The following FAM83B variants were observed in gnomAD, a reference collection of about 807,000 sequenced individuals.
FAM83B encodes protein FAM83B.
In FAM83B, 26 loss-of-function variants were observed where a neutral mutation model predicts 38.8. The observed-to-expected ratio is 0.67, with a 90% CI of 0.49 to 0.93. FAM83B has a LOEUF of 0.93. Ranked by LOEUF, FAM83B falls within the 40% of genes least tolerant of loss-of-function variation. The pLI is 0.00. For synonymous variants in FAM83B, 419 were observed against 423.1 expected (o/e 0.99, Z 0.12); for missense variants, 1,237 against 1,197.3 (o/e 1.03, Z -0.49).
chr6:54,855,626 T>C (rs898507783), intron 1 of FAM83B, among the ~76,000 whole-genome samples: 1 of 152,084 alleles, frequency 6.6e-6, no homozygotes, highest in Non-Finnish European at 1.5e-5. Flanking sequence ...ATTTAGCATG[T>C]TAAATCTTGT....
At chr6:54,908,739 A>G (rs999026585) in intron 2 of FAM83B, among the ~76,000 whole-genome samples, 1 of 152,192 alleles carries the variant, frequency 6.6e-6, no homozygotes, top group South Asian at 2.1e-4. Flanking sequence ...GTACAGGTGT[A>G]CTTCAAGAAT....
Position 54,940,878 on chromosome 6 carries a change from A to G in FAM83B, c.1907A>G (p.Asn636Ser), listed in dbSNP as rs758505125. The G allele has an allele frequency of 6.2e-7, 1 of 1,613,840 alleles. No individual in the cohort carries two copies. The highest frequency in any genetic ancestry group is 8.5e-7 in the Non-Finnish European group (1 of 1,179,880). ...ACAAATGGCCATACTGAATCAAATA[A>G]CTATATATATAAAACCTTGGGTGTA... is the stretch of plus-strand genomic sequence containing the variant. Reference protein sequence around the residue: ...QTTNGHTESNNYIYKTLGVNK... With the variant: ...QTTNGHTESNSYIYKTLGVNK... The change falls in exon 5 of 5, where the codon AAC (asparagine) becomes AGC (serine). Residue 636 changes from asparagine to serine, a missense_variant. Physicochemically the swap from Asn to Ser is conservative, Grantham distance 46. Transcript: ENST00000306858.
At chr6:54,929,907 T>C (rs1773384325) in intron 4 of FAM83B, among the ~76,000 whole-genome samples, 1 of 152,128 alleles carries the variant, frequency 6.6e-6, no homozygotes, top group African/African-American at 2.4e-5. Context: ...AAACAGTGAC[T>C]TTTGTTTTCC....
chr6:54,893,664 T>C (rs1247960396), intron 2 of FAM83B, among the ~76,000 whole-genome samples: 1 of 152,200 alleles, frequency 6.6e-6, no homozygotes, highest in Non-Finnish European at 1.5e-5. Flanking sequence ...ACAGCCAGTA[T>C]CTAAATCTAA....
intron 2 of FAM83B, among the ~76,000 whole-genome samples, chr6:54,903,607 T>TG (rs1042566168): frequency 4.6e-5 from 7 of 152,222 alleles, no homozygotes; most frequent in South Asian, 2.1e-4. Flanking sequence ...ATTATTCTTT[T>TG]GGGGTATGAA....
intron 4 of FAM83B, among the ~76,000 whole-genome samples, chr6:54,936,567 T>C (rs1466637487): frequency 6.6e-6 from 1 of 152,056 alleles, no homozygotes; most frequent in Non-Finnish European, 1.5e-5. Context: ...TCTGTTTTGT[T>C]TTCAAGATTT....
rs576094805 is a variant in FAM83B, at chr6:54,880,339, G to GA, written c.444+9652dup. ...TATCAGGATTATAGAGACAATTATT[G>GA]AAATTTTAAAGTAGCAAAAATATGA... On this transcript the variant is annotated intron_variant, in intron 2 of 4. Transcript: ENST00000306858. 2.5e-3 allele frequency among the ~76,000 whole-genome samples: 383 copies of GA among 151,096 alleles called. 2 individuals carry two copies. Among genetic ancestry groups the GA allele is most frequent in the Non-Finnish European group, 4.3e-3 (289 of 67,854 alleles).
At chr6:54,851,038 A>AAC (rs1561901781) in intron 1 of FAM83B, among the ~76,000 whole-genome samples, 3 of 137,958 alleles carry the variant, frequency 2.2e-5, no homozygotes, top group Non-Finnish European at 4.6e-5. Context: ...AAAAAAAAAA[A>AAC]GTGCTGTATT....
chr6:54,936,426 G>A (rs991896862), intron 4 of FAM83B, among the ~76,000 whole-genome samples: 4 of 151,698 alleles, frequency 2.6e-5, no homozygotes, highest in Non-Finnish European at 4.4e-5. Context: ...TTCTACTTTG[G>A]TTGGGCTCTT....
chr6:54,862,399 A>G (rs1037213928), intron 1 of FAM83B, among the ~76,000 whole-genome samples: 1 of 152,120 alleles, frequency 6.6e-6, no homozygotes, highest in Non-Finnish European at 1.5e-5. Context: ...CCCTAAAAAC[A>G]GTGAGGGAAG....
At chr6:54,914,165 C>A (rs1318607414) in intron 2 of FAM83B, among the ~76,000 whole-genome samples, 1 of 151,906 alleles carries the variant, frequency 6.6e-6, no homozygotes, top group Non-Finnish European at 1.5e-5. Context: ...TTTCTGTTTT[C>A]TAGGTGTCTT....
At chr6:54,874,181 T>G (rs553171432) in intron 2 of FAM83B, among the ~76,000 whole-genome samples, 1 of 152,228 alleles carries the variant, frequency 6.6e-6, no homozygotes, top group Non-Finnish European at 1.5e-5. Flanking sequence ...TTTATAGTAT[T>G]TCAAAAATCT....
At chr6:54,902,437 G>A (rs1238183966) in intron 2 of FAM83B, among the ~76,000 whole-genome samples, 2 of 151,930 alleles carry the variant, frequency 1.3e-5, no homozygotes, top group East Asian at 1.9e-4. Flanking sequence ...CTACTATATC[G>A]AATTTCTTCT....
At chr6:54,854,754 C>T (rs944314208) in intron 1 of FAM83B, among the ~76,000 whole-genome samples, 4 of 152,110 alleles carry the variant, frequency 2.6e-5, no homozygotes, top group Non-Finnish European at 4.4e-5. Flanking sequence ...TTATCTTCAG[C>T]GTATGCCTAG....
At chr6:54,886,563 C>A (rs1435977775) in intron 2 of FAM83B, among the ~76,000 whole-genome samples, 1 of 151,898 alleles carries the variant, frequency 6.6e-6, no homozygotes, top group African/African-American at 2.4e-5. Context: ...TATGGATTGG[C>A]ATAAAATTGT....
At chr6:54,851,074 T>C (rs1771266326) in intron 1 of FAM83B, among the ~76,000 whole-genome samples, 1 of 152,090 alleles carries the variant, frequency 6.6e-6, no homozygotes. Context: ...TTCTGACTTA[T>C]TTGTTTAAAG....
chr6:54,880,171 G>T (rs12208348), intron 2 of FAM83B, among the ~76,000 whole-genome samples: 56,211 of 152,086 alleles, frequency 0.37, 12,651 homozygotes, highest in Non-Finnish European at 0.51. Context: ...CACTTCAAGT[G>T]ATTTAAAGTC....
rs908473660 is a variant in FAM83B, at chr6:54,939,869, C to T, written c.898C>T (p.Leu300Phe). 5 of 1,613,886 alleles carry T rather than the reference C, an allele frequency of 3.1e-6. No individual in the cohort carries two copies. In the African/African-American group the frequency reaches 6.7e-5, roughly 22 times the overall value. ...ESARVKHGKA[L>F]WENGTYQHSV... ...AGCAAGGGTGAAGCATGGAAAAGCC[C>T]TCTGGGAAAATGGCACTTACCAGCA... is the stretch of plus-strand genomic sequence containing the variant. The change falls in exon 5 of 5, where the codon CTC (leucine) becomes TTC (phenylalanine). Residue 300 changes from leucine (L) to phenylalanine (F), a missense_variant. Physicochemically the swap from Leu to Phe is conservative, Grantham distance 22. Coordinates refer to ENST00000306858, the MANE Select transcript of FAM83B (RefSeq NM_001010872.3).
chr6:54,866,013 A>G (rs1503137), intron 1 of FAM83B, among the ~76,000 whole-genome samples: 117,221 of 151,024 alleles, frequency 0.78, 47,143 homozygotes, highest in East Asian at 0.98. Flanking sequence ...GTTGAAATGC[A>G]TTACCTTATT....
Sources: allele counts gnomAD v4.1 joint callset (sites outside exome capture counted in the v4.1 genomes callset), GRCh38; gene constraint gnomAD v4.1.1; transcripts MANE v1.5; gene names NCBI Gene and HGNC (gene_info 2026-07-23, HGNC 2026-07-21).